SOX30: variants seen among roughly 807,000 people sequenced by gnomAD.
SOX30 encodes transcription factor SOX-30.
SOX30 carries 17 observed loss-of-function variants against 58.6 expected under a neutral mutation model. The observed-to-expected ratio is 0.29, with a 90% CI of 0.20 to 0.44. The LOEUF is 0.44. SOX30 is among the 20% of genes least tolerant of loss of function. The probability of loss-of-function intolerance (pLI) is 1.00; values close to 1 mark genes in which losing one functional copy is unlikely to be tolerated. For synonymous variants in SOX30, 421 were observed against 400.2 expected, an observed-to-expected ratio of 1.05 and a Z score of -0.62; for missense variants, 951 against 965.8, an observed-to-expected ratio of 0.98 and a Z score of 0.20.
intron 4 of SOX30, among the ~76,000 whole-genome samples, chr5:157,628,301 A>G (rs545458749): frequency 6.6e-6 from 1 of 151,996 alleles, no homozygotes; most frequent in Non-Finnish European, 1.5e-5. Flanking sequence ...GACAGATAAC[A>G]TAAACATAAT....
chr5:157,671,387 C>A (rs1018865434), exon 1 of SOX30: 1 of 553,084 alleles, frequency 1.8e-6, no homozygotes, highest in Admixed American at 3.6e-5. Flanking sequence ...GGTCTCACCA[C>A]GGCGGATGCC....
chr5:157,648,889 T>C lies in SOX30; in HGVS notation c.975A>G (p.Pro325=). The C allele has an allele frequency of 6.2e-7, 1 of 1,605,298 alleles. No individual in the cohort carries two copies. Among genetic ancestry groups the C allele is most frequent in the Non-Finnish European group, 8.5e-7 (1 of 1,175,414 alleles). ...LTVLPSDAGI[P]DTPFSKDRNG... Reference sequence around the variant, plus strand: ...TTCTGTCCTTACTGAAGGGAGTATCTGGTATGCCTACATGACAAAAATTAA... The same window carrying C: ...TTCTGTCCTTACTGAAGGGAGTATCCGGTATGCCTACATGACAAAAATTAA... Residue 325 remains proline, a synonymous_variant, in exon 2 of 5, where the codon CCA becomes CCG. Coordinates refer to ENST00000265007, the MANE Select transcript of SOX30 (RefSeq NM_178424.2).
chr5:157,631,049 A>ATATATATATATACAATATATATATTT (rs1561578480), intron 4 of SOX30, among the ~76,000 whole-genome samples: 1 of 39,018 alleles, frequency 2.6e-5, no homozygotes. Context: ...TATATATTTT[A>ATATATATATATACAATATATATATTT]TATATATATA....
At chr5:157,631,653 C>T (rs1223082480) in intron 4 of SOX30, among the ~76,000 whole-genome samples, 1 of 151,240 alleles carries the variant, frequency 6.6e-6, no homozygotes, top group East Asian at 2.0e-4. Context: ...CCAGCTACTC[C>T]AGAGGCTGAG....
At chr5:157,666,347 A>T (rs1759670262) in intron 2 of SOX30, among the ~76,000 whole-genome samples, 1 of 151,742 alleles carries the variant, frequency 6.6e-6, no homozygotes, top group Non-Finnish European at 1.5e-5. Flanking sequence ...TTTTGTAGAG[A>T]TAGGGTCTGG....
intron 1 of SOX30, among the ~76,000 whole-genome samples, chr5:157,668,345 G>T (rs889097063): frequency 2.0e-5 from 3 of 152,204 alleles, no homozygotes; most frequent in Non-Finnish European, 2.9e-5. Flanking sequence ...TCAGAATTTG[G>T]TGGGTCCAGA....
In SOX30 at chr5:157,626,514, G is replaced by A; in HGVS notation, c.2088C>T (p.Tyr696=). 4 of 1,614,164 alleles carry A rather than the reference G, an allele frequency of 2.5e-6. No individual in the cohort carries two copies. The highest frequency in any genetic ancestry group is 3.4e-6 in the Non-Finnish European group (4 of 1,180,046). ...RSCENMNGTS[Y]YNSHSHSGEE... ...CCCCACTGTGGCTATGACTGTTATA[G>A]TAAGAAGTTCCATTCATGTTCTCAC... The change falls in exon 5 of 5, where the codon TAC becomes TAT. Residue 696 remains tyrosine, a synonymous_variant. Coordinates refer to ENST00000265007, the MANE Select transcript of SOX30 (RefSeq NM_178424.2).
Position 157,626,136 on chromosome 5 carries a change from C to T in SOX30, c.*204G>A. The T allele has an allele frequency of 2.1e-6, 1 of 486,220 alleles. No homozygotes were observed. Among genetic ancestry groups the T allele is most frequent in the Non-Finnish European group, 3.6e-6 (1 of 280,210 alleles). 30.1% of individuals were successfully genotyped at this position (486,220 alleles called of 1,614,324 possible). On this transcript the variant is annotated 3_prime_UTR_variant, in exon 5 of 5. Transcript: ENST00000265007. ...CCATTAAAATTAAACTACTTAATAA[C>T]TTAAATATTCCTACAATGAAACATC...
chr5:157,633,366 C>T (rs1295802732), intron 4 of SOX30, among the ~76,000 whole-genome samples: 5 of 152,138 alleles, frequency 3.3e-5, no homozygotes, highest in African/African-American at 1.2e-4. Context: ...ACCAATGAAA[C>T]TATTTCTGAA....
rs192980072 is a variant in SOX30 at position 157,652,174 on chromosome 5, G to A, written c.-96C>T. ...CGGTTAAGAGCCTTGCAAGGCCTTT[G>A]CTACCCAGAACCCTACGCGGTTCAA... On this transcript the variant is annotated 5_prime_UTR_variant, in exon 1 of 5. Transcript: ENST00000265007. 704 of 1,371,156 alleles carry A rather than the reference G, an allele frequency of 5.1e-4. 4 individuals are homozygous for A. In the Middle Eastern group the frequency reaches 6.7e-3, roughly 13 times the overall value. 84.9% of individuals were successfully genotyped at this position (1,371,156 alleles called of 1,614,324 possible).
At chr5:157,633,727 T>G (rs537116532) in intron 4 of SOX30, among the ~76,000 whole-genome samples, 14 of 152,364 alleles carry the variant, frequency 9.2e-5, no homozygotes, top group African/African-American at 3.4e-4. Flanking sequence ...CCTAAAATTT[T>G]ACAATTTAGA....
intron 3 of SOX30, among the ~76,000 whole-genome samples, chr5:157,640,998 T>C (rs1249811775): frequency 1.3e-5 from 2 of 152,170 alleles, no homozygotes; most frequent in Non-Finnish European, 2.9e-5. Flanking sequence ...GCATAAGCCC[T>C]AACAACCCCT....
chr5:157,671,238 C>A, intron 1 of SOX30: 1 of 235,610 alleles, frequency 4.2e-6, no homozygotes, highest in Non-Finnish European at 8.2e-6. Context: ...CGCTGAGCAG[C>A]CCCACCCTGG....
chr5:157,628,643 CTTTT>C (rs35972610), intron 4 of SOX30, among the ~76,000 whole-genome samples: 1 of 137,676 alleles, frequency 7.3e-6, no homozygotes, highest in African/African-American at 2.7e-5. Context: ...CACTGTGCTT[CTTTT>C]TTTTTTTTTT....
intron 3 of SOX30, 99 bp from the exon 4 acceptor site, chr5:157,638,821 C>T: frequency 8.6e-7 from 1 of 1,162,008 alleles, no homozygotes. Flanking sequence ...CAGAGGCCTT[C>T]ATCAATCACC....
chr5:157,664,857 T>A (rs561622766), intron 2 of SOX30, among the ~76,000 whole-genome samples: 15 of 152,286 alleles, frequency 9.8e-5, no homozygotes, highest in African/African-American at 3.4e-4. Flanking sequence ...ATGCTCATCA[T>A]CACTAGCCAT....
chr5:157,641,072 G>A (rs1256828390), intron 3 of SOX30, among the ~76,000 whole-genome samples: 7 of 152,118 alleles, frequency 4.6e-5, no homozygotes, highest in African/African-American at 1.4e-4. Context: ...AGAACTTTAC[G>A]CCAGTAACAT....
chr5:157,665,746 T>C (rs1759658757), intron 2 of SOX30, among the ~76,000 whole-genome samples: 1 of 150,168 alleles, frequency 6.7e-6, no homozygotes, highest in Non-Finnish European at 1.5e-5. Context: ...CCCTTAAGTG[T>C]TTTAGGTACT....
intron 2 of SOX30, chr5:157,667,783 C>G: frequency 1.3e-6 from 2 of 1,535,056 alleles, no homozygotes; most frequent in Non-Finnish European, 1.7e-6. Flanking sequence ...CACACACACA[C>G]ACACACATAC....
Sources: gnomAD v4.1 joint callset for allele counts (sites outside exome capture counted in the v4.1 genomes callset) on GRCh38, gnomAD v4.1.1 for gene constraint, MANE v1.5 for transcripts, NCBI Gene and HGNC (gene_info 2026-07-23, HGNC 2026-07-21) for gene names.